The following SNX16 variants were observed in gnomAD, a reference collection of about 807,000 sequenced individuals.
SNX16 encodes the protein sorting nexin-16.
In SNX16, 35 loss-of-function variants were observed where a neutral mutation model predicts 36.7. That is an observed-to-expected ratio of 0.95 (90% CI 0.73 to 1.27). The LOEUF (loss-of-function observed/expected upper bound fraction) is 1.27, where lower values mean the gene tolerates loss of function less well. SNX16 is among the 50% of genes most tolerant of loss of function. The pLI is 0.00. For missense variants in SNX16, 367 were observed against 393.6 expected, an observed-to-expected ratio of 0.93 and a Z score of 0.57; for synonymous variants, 134 against 132.0, an observed-to-expected ratio of 1.02 and a Z score of -0.10.
chr8:81,837,621 A>T (rs1348366915), intron 2 of SNX16, among the ~76,000 whole-genome samples: 1 of 152,134 alleles, frequency 6.6e-6, no homozygotes, highest in African/African-American at 2.4e-5. Context: ...GCCTCTTTTT[A>T]AGGGTCCTAA....
At chr8:81,812,479 T>C (rs559102423) in intron 5 of SNX16, among the ~76,000 whole-genome samples, 36 of 152,126 alleles carry the variant, frequency 2.4e-4, no homozygotes, top group African/African-American at 7.7e-4. Flanking sequence ...ATTTTTTTTT[T>C]ATCAGAAATA....
At chr8:81,822,176 G>A (rs754126558) in intron 4 of SNX16, among the ~76,000 whole-genome samples, 3 of 152,070 alleles carry the variant, frequency 2.0e-5, no homozygotes, top group Admixed American at 2.0e-4. Flanking sequence ...GGTAGTGGTG[G>A]TGAGTGGTCA....
At chr8:81,830,342 G>C (rs1811196198) in intron 2 of SNX16, among the ~76,000 whole-genome samples, 2 of 152,038 alleles carry the variant, frequency 1.3e-5, no homozygotes, top group African/African-American at 4.8e-5. Flanking sequence ...GGCCGAGGTG[G>C]GCGGATCATG....
At chr8:81,817,446 T>G (rs1458468114) in intron 4 of SNX16, among the ~76,000 whole-genome samples, 1 of 152,168 alleles carries the variant, frequency 6.6e-6, no homozygotes, top group Non-Finnish European at 1.5e-5. Context: ...TCACCTTCCC[T>G]AAAAATCTTT....
At position 81,839,815 on chromosome 8, in the gene SNX16, G is replaced by C. The variant is rs1288281820; in HGVS notation, c.172C>G (p.Pro58Ala). Reference sequence around the variant, plus strand: ...GATGAAGTATTATCCATTTGATCAGGAACACTTGTCTGTTTAAAATTACCC... The same window carrying C: ...GATGAAGTATTATCCATTTGATCAGCAACACTTGTCTGTTTAAAATTACCC... ...NMGNFKQTSV[P>A]DQMDNTSSVC... Residue 58 changes from proline to alanine, a missense_variant, in exon 2 of 8, where the codon CCT becomes GCT. Physicochemically the swap from Pro to Ala is conservative, Grantham distance 27. Coordinates refer to ENST00000345957, the MANE Select transcript of SNX16 (RefSeq NM_152836.3). The C allele has an allele frequency of 3.7e-6, 6 of 1,613,674 alleles. No homozygotes were observed. The highest frequency in any genetic ancestry group is 2.2e-5 in the East Asian group (1 of 44,856).
intron 4 of SNX16, among the ~76,000 whole-genome samples, chr8:81,820,182 T>A (rs1050556783): frequency 6.6e-6 from 1 of 152,104 alleles, no homozygotes; most frequent in East Asian, 1.9e-4. Context: ...TATGTTTTCA[T>A]AAAGAAATGT....
intron 4 of SNX16, among the ~76,000 whole-genome samples, chr8:81,822,333 G>GC (rs1810784095): frequency 6.6e-6 from 1 of 152,102 alleles, no homozygotes; most frequent in African/African-American, 2.4e-5. Flanking sequence ...GAAACAAGGA[G>GC]CAAGCTGATT....
At chr8:81,841,062 T>C (rs1468782119) in intron 1 of SNX16, among the ~76,000 whole-genome samples, 1 of 152,198 alleles carries the variant, frequency 6.6e-6, no homozygotes, top group Non-Finnish European at 1.5e-5. Flanking sequence ...AACTCTGGGC[T>C]GGGCGCTGTG....
At chr8:81,816,275 C>T (rs958594139) in intron 4 of SNX16, among the ~76,000 whole-genome samples, 1 of 150,804 alleles carries the variant, frequency 6.6e-6, no homozygotes, top group African/African-American at 2.4e-5. Context: ...CTGCAACCTC[C>T]GCCTCCTGGG....
At chr8:81,822,952 A>G (rs1337224063) in intron 4 of SNX16, among the ~76,000 whole-genome samples, 1 of 68,154 alleles carries the variant, frequency 1.5e-5, no homozygotes, top group East Asian at 2.4e-4. Context: ...ATATACATAT[A>G]TATATATATA....
chr8:81,802,385 T>G lies in SNX16; in HGVS notation c.933A>C (p.Glu311Asp). 1 of 1,601,172 alleles carries G rather than the reference T, an allele frequency of 6.2e-7. No individual in the cohort carries two copies. The highest frequency in any genetic ancestry group is 8.5e-7 in the Non-Finnish European group (1 of 1,174,620). Reference protein sequence around the residue: ...LEVDQDVLDEESRADNKPCLS... With the variant: ...LEVDQDVLDEDSRADNKPCLS... The stretch of plus-strand genomic sequence containing the variant: ...ATAAATGAAATATTATATACCTAGA[T>G]TCTTCATCCAGGACATCTTGATCAA... The change falls in exon 7 of 8, where the codon GAA (glutamate) becomes GAC (aspartate). Residue 311 changes from glutamate to aspartate, a missense_variant. Coordinates refer to ENST00000345957, the MANE Select transcript of SNX16 (RefSeq NM_152836.3).
At chr8:81,814,913 C>T (rs76118752) in intron 5 of SNX16, 10,846 of 152,610 alleles carry the variant, frequency 0.071, 467 homozygotes, top group Middle Eastern at 0.11. Flanking sequence ...CAGGCACAAG[C>T]TAAACCGATA....
chr8:81,838,488 C>T (rs1811593852), intron 2 of SNX16, among the ~76,000 whole-genome samples: 1 of 149,832 alleles, frequency 6.7e-6, no homozygotes, highest in Non-Finnish European at 1.5e-5. Context: ...TTTATGGTCA[C>T]ATGATTTATG....
chr8:81,804,058 T>C (rs1000162910), intron 5 of SNX16, among the ~76,000 whole-genome samples: 11 of 151,938 alleles, frequency 7.2e-5, no homozygotes, highest in Non-Finnish European at 1.3e-4. Flanking sequence ...TACTATAAAA[T>C]TGTAAGACAG....
chr8:81,829,442 C>G lies in SNX16; in HGVS notation c.450G>C (p.Arg150Ser). The G allele has an allele frequency of 7.1e-7, 1 of 1,410,706 alleles. No individual in the cohort carries two copies. Among genetic ancestry groups the G allele is most frequent in the Non-Finnish European group, 9.3e-7 (1 of 1,073,188 alleles). 87.4% of individuals were successfully genotyped at this position (1,410,706 alleles called of 1,614,324 possible). ...TTATAGTACTTACTTTGTCATTAAGCCTAGAGAAGTCAGTGTATCTTCTGA... is the reference window on the plus strand; with the variant it reads ...TTATAGTACTTACTTTGTCATTAAGGCTAGAGAAGTCAGTGTATCTTCTGA... Reference protein sequence around the residue: ...VVFRRYTDFSRLNDKLKEMFP... With the variant: ...VVFRRYTDFSSLNDKLKEMFP... The change falls in exon 3 of 8, where the codon AGG (arginine) becomes AGC (serine). Residue 150 changes from arginine (R) to serine (S), a missense_variant. Physicochemically the swap from Arg to Ser is moderately radical, Grantham distance 110 (BLOSUM62 -1). Coordinates refer to ENST00000345957, the MANE Select transcript of SNX16 (RefSeq NM_152836.3).
intron 6 of SNX16, 68 bp downstream of exon 6, chr8:81,803,024 A>C (rs1809773886): frequency 3.1e-6 from 4 of 1,295,888 alleles, no homozygotes; most frequent in African/African-American, 1.5e-5. Flanking sequence ...TTAAAATATA[A>C]AGGGCAGTTA....
chr8:81,808,704 C>T (rs1161298802), intron 5 of SNX16: 18 of 1,117,134 alleles, frequency 1.6e-5, no homozygotes, highest in South Asian at 2.5e-5. Flanking sequence ...CAGGAGCAGC[C>T]GTAGCTATGG....
intron 5 of SNX16, among the ~76,000 whole-genome samples, chr8:81,811,280 A>G (rs1399007266): frequency 6.6e-6 from 1 of 152,178 alleles, no homozygotes; most frequent in Non-Finnish European, 1.5e-5. Context: ...GAAACGATAT[A>G]TCTATGGGGC....
In SNX16 at chr8:81,801,672, T is replaced by C. The variant is rs1809700352; in HGVS notation, c.939-79A>G. The stretch of plus-strand genomic sequence containing the variant: ...ATTATTTCATTTTCACTATTACCTT[T>C]AAAAATCTTCTACCTTATAGAAAAT... On this transcript the variant is annotated intron_variant, in intron 7 of 7. Coordinates refer to ENST00000345957, the MANE Select transcript of SNX16 (RefSeq NM_152836.3). 4.9e-6 allele frequency: 4 copies of C among 813,614 alleles called. No homozygotes were observed. The South Asian group carries it at 7.4e-5, about 15-fold the overall frequency. 50.4% of individuals were successfully genotyped at this position (813,614 alleles called of 1,614,324 possible). A position where few individuals can be genotyped will look rare whatever the true frequency, so the allele number is the denominator to read the frequency against.
Sources: allele counts gnomAD v4.1 joint callset (sites outside exome capture counted in the v4.1 genomes callset), GRCh38; gene constraint gnomAD v4.1.1; transcripts MANE v1.5; gene names NCBI Gene and HGNC (gene_info 2026-07-23, HGNC 2026-07-21).